Variants in SEZ6L observed in about 807,000 individuals in gnomAD.
The protein encoded by SEZ6L is seizure 6-like protein.
Under a neutral mutation model 106.2 loss-of-function variants are expected in SEZ6L, and 37 were observed. The ratio of observed to expected loss-of-function variants is 0.35; its 90% CI spans 0.27 to 0.46. SEZ6L has a LOEUF of 0.46. SEZ6L is among the 20% of genes least tolerant of loss of function. The pLI is 1.00. For synonymous variants in SEZ6L, 541 were observed against 570.4 expected (o/e 0.95, Z 0.73); for missense variants, 1,172 against 1,332.8 (o/e 0.88, Z 1.88).
intron 1 of SEZ6L, among the ~76,000 whole-genome samples, chr22:26,236,826 C>T (rs991032922): frequency 5.3e-5 from 8 of 152,214 alleles, no homozygotes; most frequent in African/African-American, 1.9e-4. Context: ...GGCCTCTGAG[C>T]CTCAGCTTGG....
rs564202584 is a variant in SEZ6L at position 26,264,274 on chromosome 22, G to T, written c.95-28132G>T. Among the ~76,000 whole-genome samples, 205 of 152,322 alleles carry T rather than the reference G, an allele frequency of 1.3e-3. 1 individual carries two copies. In the South Asian group the frequency reaches 0.019, roughly 14 times the overall value. Reference sequence around the variant, plus strand: ...TTCTGAGGTTGACAACAGAGCACAGGCTTTGTCAGGGCCCTCTCTGGTCAG... The same window carrying T: ...TTCTGAGGTTGACAACAGAGCACAGTCTTTGTCAGGGCCCTCTCTGGTCAG... On this transcript the variant is annotated intron_variant, in intron 1 of 16. Transcript: ENST00000248933.
intron 1 of SEZ6L, among the ~76,000 whole-genome samples, chr22:26,268,655 G>T (rs5997060): frequency 0.013 from 2,000 of 152,304 alleles, 58 homozygotes; most frequent in African/African-American, 0.045. Flanking sequence ...TGACATTCGG[G>T]ATGTTTAATT....
intron 1 of SEZ6L, among the ~76,000 whole-genome samples, chr22:26,173,129 A>G (rs1448037424): frequency 2.0e-5 from 3 of 152,200 alleles, no homozygotes; most frequent in Non-Finnish European, 4.4e-5. Flanking sequence ...AGGAGGACTG[A>G]TGATACCAGC....
chr22:26,351,443 G>A, intron 12 of SEZ6L, 200 bp downstream of exon 12: 1 of 495,582 alleles, frequency 2.0e-6, no homozygotes, highest in Non-Finnish European at 3.5e-6. Flanking sequence ...ATCACGCGTT[G>A]CTCTAAGTCT....
Position 26,327,586 on chromosome 22 carries a change from G to A in SEZ6L, c.2016-12850G>A, listed in dbSNP as rs542659839. ...ACCCCACACACACACCACATGACAC[G>A]ACACATGCCACACATGCCACACACA... is the stretch of plus-strand genomic sequence containing the variant. On this transcript the variant is annotated intron_variant, in intron 9 of 16. Coordinates refer to ENST00000248933, the MANE Select transcript of SEZ6L (RefSeq NM_021115.5). 1.4e-4 allele frequency among the ~76,000 whole-genome samples: 16 copies of A among 112,446 alleles called. No homozygotes were observed. The South Asian group carries it at 3.9e-3, about 28-fold the overall frequency. 73.8% of individuals were successfully genotyped at this position (112,446 alleles called of 152,430 possible).
intron 1 of SEZ6L, among the ~76,000 whole-genome samples, chr22:26,209,200 G>C (rs1941470338): frequency 6.6e-6 from 1 of 151,862 alleles, no homozygotes; most frequent in Non-Finnish European, 1.5e-5. Context: ...TTGACATCTT[G>C]GTCTCATAAT....
intron 9 of SEZ6L, among the ~76,000 whole-genome samples, chr22:26,317,066 C>A (rs1396978599): frequency 6.6e-6 from 1 of 151,872 alleles, no homozygotes; most frequent in Non-Finnish European, 1.5e-5. Context: ...GAGTGTGACC[C>A]ACTTAATGAC....
In SEZ6L at chr22:26,324,103, A is replaced by AAAC. The variant is rs1569463237; in HGVS notation, c.2015+10202_2015+10203insACA. ...ACACACACACACACACACACACACA[A>AAAC]ACACACACACACACACAAACGGTAG... On this transcript the variant is annotated intron_variant, in intron 9 of 16. Transcript: ENST00000248933. Among the ~76,000 whole-genome samples the AAAC allele has an allele frequency of 1.5e-3, 129 of 83,388 alleles. 1 individual carries two copies. The East Asian group carries it at 0.02, about 13-fold the overall frequency. 54.7% of individuals were successfully genotyped at this position (83,388 alleles called of 152,430 possible).
chr22:26,223,902 T>C (rs1158459337), intron 1 of SEZ6L, among the ~76,000 whole-genome samples: 1 of 152,176 alleles, frequency 6.6e-6, no homozygotes, highest in African/African-American at 2.4e-5. Flanking sequence ...GCTGGTACAG[T>C]CTGGATCTGA....
chr22:26,336,978 G>T (rs1347289309), intron 9 of SEZ6L, among the ~76,000 whole-genome samples: 1 of 152,094 alleles, frequency 6.6e-6, no homozygotes, highest in African/African-American at 2.4e-5. Flanking sequence ...CGATGATGAT[G>T]CCAAAAATGA....
At chr22:26,270,493 T>TGC (rs934992621) in intron 1 of SEZ6L, among the ~76,000 whole-genome samples, 5 of 151,722 alleles carry the variant, frequency 3.3e-5, no homozygotes, top group Non-Finnish European at 5.9e-5. Flanking sequence ...TGTGTGTGTG[T>TGC]GTGTTTCAGA....
At position 26,340,544 on chromosome 22, in the gene SEZ6L, C is replaced by A; in HGVS notation, c.2124C>A (p.Ser708=). The change falls in exon 10 of 17, where the codon TCC becomes TCA. Residue 708 remains serine (S), a synonymous_variant. Coordinates refer to ENST00000248933, the MANE Select transcript of SEZ6L (RefSeq NM_021115.5). ...LGNSGPQKLY[S]STPDLTIQFH... is the part of the protein sequence containing the mutation. ...ACAGTGGCCCCCAGAAACTGTACTCCTCCACGCCAGACTTAACCATCCAGT... is the reference window on the plus strand; with the variant it reads ...ACAGTGGCCCCCAGAAACTGTACTCATCCACGCCAGACTTAACCATCCAGT... The A allele has an allele frequency of 6.2e-7, 1 of 1,614,152 alleles. No homozygotes were observed. Among genetic ancestry groups the A allele is most frequent in the Non-Finnish European group, 8.5e-7 (1 of 1,180,026 alleles).
chr22:26,335,481 G>A (rs994407264), intron 9 of SEZ6L, among the ~76,000 whole-genome samples: 4 of 152,102 alleles, frequency 2.6e-5, no homozygotes, highest in Non-Finnish European at 5.9e-5. Flanking sequence ...CTCTAACTTG[G>A]CTACACTGTT....
chr22:26,229,037 C>T lies in SEZ6L; in HGVS notation c.94+59274C>T, dbSNP rs574547232. On this transcript the variant is annotated intron_variant, in intron 1 of 16. Transcript: ENST00000248933. ...TTTTTGAGACAGAGTCTTGCCCTGT[C>T]ACTAGGCTGGACCGTGTGGCATGAT... 5.3e-5 allele frequency among the ~76,000 whole-genome samples: 8 copies of T among 152,318 alleles called. No homozygotes were observed. The South Asian group carries it at 1.2e-3, about 24-fold the overall frequency.
At chr22:26,268,716 T>C (rs764789655) in intron 1 of SEZ6L, among the ~76,000 whole-genome samples, 1 of 152,194 alleles carries the variant, frequency 6.6e-6, no homozygotes, top group Non-Finnish European at 1.5e-5. Flanking sequence ...TGTTTAGCAA[T>C]ACCCTCGGCT....
At chr22:26,354,531 G>A (rs1163327185) in intron 12 of SEZ6L, among the ~76,000 whole-genome samples, 4 of 152,160 alleles carry the variant, frequency 2.6e-5, no homozygotes, top group Non-Finnish European at 5.9e-5. Flanking sequence ...GCCCTAGGAC[G>A]TCAGTGTCAT....
At chr22:26,197,795 TG>T (rs1940673610) in intron 1 of SEZ6L, among the ~76,000 whole-genome samples, 1 of 152,192 alleles carries the variant, frequency 6.6e-6, no homozygotes, top group African/African-American at 2.4e-5. Context: ...CCAGTAGACT[TG>T]GGTGACTTAG....
chr22:26,375,058 A>G (rs1601653792), intron 14 of SEZ6L, among the ~76,000 whole-genome samples: 1 of 152,144 alleles, frequency 6.6e-6, no homozygotes, highest in East Asian at 1.9e-4. Flanking sequence ...TCACCAGTCC[A>G]CAGGTGAGCA....
intron 1 of SEZ6L, among the ~76,000 whole-genome samples, chr22:26,263,121 A>T (rs186756458): frequency 4.6e-5 from 7 of 152,256 alleles, no homozygotes; most frequent in Admixed American, 3.9e-4. Context: ...CCCATGGTCT[A>T]CCGGGTGCCA....
Sources: gnomAD v4.1 joint callset for allele counts (sites outside exome capture counted in the v4.1 genomes callset) on GRCh38, gnomAD v4.1.1 for gene constraint, MANE v1.5 for transcripts, NCBI Gene and HGNC (gene_info 2026-07-23, HGNC 2026-07-21) for gene names.